URB1: variants seen among roughly 807,000 people sequenced by gnomAD.
The protein encoded by URB1 is nucleolar pre-ribosomal-associated protein 1.
URB1 carries 197 observed loss-of-function variants against 242.3 expected under a neutral mutation model. That is an observed-to-expected ratio of 0.81 (90% CI 0.72 to 0.91). The LOEUF (loss-of-function observed/expected upper bound fraction) is 0.91. URB1 is among the 40% of genes least tolerant of loss of function. The pLI, the probability that URB1 is intolerant of heterozygous loss-of-function variation, is 0.00. For synonymous variants in URB1, 1,153 were observed against 1,201.8 expected, an observed-to-expected ratio of 0.96 and a Z score of 0.84; for missense variants, 2,721 against 2,860.5, an observed-to-expected ratio of 0.95 and a Z score of 1.11.
At position 32,347,695 on chromosome 21, in the gene URB1, G is replaced by A. The variant is rs978553119; in HGVS notation, c.3129C>T (p.Leu1043=). 10 of 1,551,252 alleles carry A rather than the reference G, an allele frequency of 6.4e-6. No individual in the cohort carries two copies. The African/African-American group carries it at 1.1e-4, about 17-fold the overall frequency. ...PHTLSPVLVK[L]LATHFSAGVL... ...CCCCTGCACTAAAGTGGGTGGCCAG[G>A]AGCTTCACGAGGACAGGGCTGAGCG... Residue 1043 remains leucine (L), a synonymous_variant, in exon 22 of 39, where the codon CTC becomes CTT. Coordinates refer to ENST00000382751, the MANE Select transcript of URB1 (RefSeq NM_014825.3).
rs2032734513 is a variant in URB1 at position 32,319,279 on chromosome 21, C to A, written c.5730G>T (p.Arg1910=). ...ACTCATTGACCAGGTGCAGGGCAAG[C>A]CGCTTGGCAGGCTCCTGGGAGCTAG... is the stretch of plus-strand genomic sequence containing the variant. The part of the protein sequence containing the change: ...CQPSSQEPAK[R]LALHLVNEFL... Residue 1910 remains arginine, a synonymous_variant, in exon 36 of 39, where the codon CGG becomes CGT. Transcript: ENST00000382751. 4 of 1,551,160 alleles carry A rather than the reference C, an allele frequency of 2.6e-6. No individual in the cohort carries two copies. Among genetic ancestry groups the A allele is most frequent in the Non-Finnish European group, 3.5e-6 (4 of 1,146,732 alleles).
chr21:32,353,441 T>C (rs17401876), intron 18 of URB1, among the ~76,000 whole-genome samples: 24,482 of 152,160 alleles, frequency 0.16, 2,502 homozygotes, highest in African/African-American at 0.29. Flanking sequence ...CTGGCCTGTA[T>C]TGGACCACAG....
intron 30 of URB1, among the ~76,000 whole-genome samples, chr21:32,327,996 G>C (rs909832961): frequency 6.6e-6 from 1 of 152,198 alleles, no homozygotes; most frequent in East Asian, 1.9e-4. Context: ...GGTCAGATTA[G>C]ATAAAAAGCA....
Position 32,352,794 on chromosome 21 carries a change from T to TGGA in URB1, c.2526_2528dup (p.Pro843dup), listed in dbSNP as rs2033172822. On this transcript the variant is annotated inframe_insertion, in exon 19 of 39. Coordinates refer to ENST00000382751, the MANE Select transcript of URB1 (RefSeq NM_014825.3). ...GCTGCTGGCAGCAAGGCACCAGGCA[T>TGGA]GGAGGCTCAAGCTTATCATATGCCT... The TGGA allele has an allele frequency of 1.9e-6, 3 of 1,551,586 alleles. No individual in the cohort carries two copies.
chr21:32,339,300 T>G (rs2033000717), intron 25 of URB1, among the ~76,000 whole-genome samples: 1 of 151,520 alleles, frequency 6.6e-6, no homozygotes, highest in African/African-American at 2.4e-5. Flanking sequence ...GGCCATTTTC[T>G]CAGTATTTTA....
chr21:32,312,448 G>A lies in URB1; in HGVS notation c.*2470C>T. The A allele has an allele frequency of 7.7e-6, 4 of 518,366 alleles. No individual in the cohort carries two copies. The highest frequency in any genetic ancestry group is 1.1e-5 in the Non-Finnish European group (4 of 362,264). 32.1% of individuals were successfully genotyped at this position (518,366 alleles called of 1,614,324 possible). ...CCCGCCGGCTCCCCCAGATGTGATG[G>A]CATCTGCCCTGCCAGGTCAGCTCAC... On this transcript the variant is annotated 3_prime_UTR_variant, in exon 39 of 39. Coordinates refer to ENST00000382751, the MANE Select transcript of URB1 (RefSeq NM_014825.3).
At chr21:32,363,066 C>A (rs2033306880) in intron 11 of URB1, 90 bp downstream of exon 11, 3 of 1,455,892 alleles carry the variant, frequency 2.1e-6, no homozygotes, top group Non-Finnish European at 2.7e-6. Flanking sequence ...TCCAAGGACA[C>A]ATCACTTGGC....
rs183045720 is a variant in URB1 at position 32,319,217 on chromosome 21, C to T, written c.5792G>A (p.Arg1931Lys). ...CCCCCCTGGCGGGGGCAGGACTCAC[C>T]TCAGGTGCTTCATGAGCACGATGAG... ...YVLIVLMKHL[R>K]PTLAPVQLTN... Residue 1931 changes from arginine to lysine, a missense_variant and splice_region_variant, in exon 36 of 39, where the codon AGG becomes AAG. By Grantham distance (26) the Arg-to-Lys change is conservative. Transcript: ENST00000382751. 0.017 allele frequency: 25,846 copies of T among 1,549,050 alleles called. 258 individuals carry two copies. Among genetic ancestry groups the T allele is most frequent in the Non-Finnish European group, 0.02 (22,638 of 1,146,052 alleles).
chr21:32,358,669 T>G (rs1483144150), intron 14 of URB1, among the ~76,000 whole-genome samples: 4 of 152,188 alleles, frequency 2.6e-5, no homozygotes, highest in Non-Finnish European at 5.9e-5. Context: ...TTTCAAATTA[T>G]GAGGCCTCTG....
At chr21:32,322,066 T>G (rs1303985241) in intron 33 of URB1, 122 bp from the exon 34 acceptor site, 1 of 1,114,894 alleles carries the variant, frequency 9.0e-7, no homozygotes, top group Admixed American at 2.5e-5. Context: ...CTGACCTCCA[T>G]GTCTGATTAT....
In URB1 at chr21:32,316,883, G is replaced by A; in HGVS notation, c.6217C>T (p.Pro2073Ser). The A allele has an allele frequency of 1.3e-6, 2 of 1,551,630 alleles. No homozygotes were observed. Among genetic ancestry groups the A allele is most frequent in the Admixed American group, 2.0e-5 (1 of 51,004 alleles). The part of the protein sequence containing the change: ...LTYWRPVIPG[P>S]DPTQEPVDSA... ...TCCACAGGCTCCTGAGTGGGGTCAG[G>A]ACCAGGGATCACTGGTCTCCAGTAA... Residue 2073 changes from proline to serine, a missense_variant, in exon 38 of 39, where the codon CCT (proline) becomes TCT (serine). Pro to Ser is a moderately conservative substitution (Grantham distance 74). Coordinates refer to ENST00000382751, the MANE Select transcript of URB1 (RefSeq NM_014825.3).
intron 8 of URB1, among the ~76,000 whole-genome samples, chr21:32,371,988 G>A (rs1007709828): frequency 2.0e-5 from 3 of 152,000 alleles, no homozygotes; most frequent in Non-Finnish European, 2.9e-5. Context: ...TTTTGAAACC[G>A]TGACTCATGG....
At chr21:32,380,757 G>A (rs1412965470) in intron 4 of URB1, among the ~76,000 whole-genome samples, 1 of 152,176 alleles carries the variant, frequency 6.6e-6, no homozygotes, top group East Asian at 1.9e-4. Flanking sequence ...AACTTGCCTG[G>A]CAAAATTAAA....
Position 32,359,900 on chromosome 21 carries a change from A to G in URB1, c.1765T>C (p.Ser589Pro). 2 of 1,549,462 alleles carry G rather than the reference A, an allele frequency of 1.3e-6. No individual in the cohort carries two copies. The highest frequency in any genetic ancestry group is 2.4e-5 in the South Asian group (2 of 83,662). Reference sequence around the variant, plus strand: ...ACCTCCTCTCGAAGGCCCTGCTCAGAGATGACACCTATGGGTGAAAAAGAG... The same window carrying G: ...ACCTCCTCTCGAAGGCCCTGCTCAGGGATGACACCTATGGGTGAAAAAGAG... ...DFSKLLKGVI[S>P]EQGLREEVPP... The change falls in exon 14 of 39, where the codon TCT becomes CCT. Residue 589 changes from serine (S) to proline (P), a missense_variant. Transcript: ENST00000382751.
At position 32,378,514 on chromosome 21, in the gene URB1, C is replaced by A. The variant is rs529540678; in HGVS notation, c.595G>T (p.Val199Phe). The A allele has an allele frequency of 2.9e-5, 45 of 1,551,680 alleles. No individual in the cohort carries two copies. The African/African-American group carries it at 5.6e-4, about 19-fold the overall frequency. The change falls in exon 5 of 39, where the codon GTT becomes TTT. Residue 199 changes from valine to phenylalanine, a missense_variant. Physicochemically the swap from Val to Phe is conservative, Grantham distance 50. Coordinates refer to ENST00000382751, the MANE Select transcript of URB1 (RefSeq NM_014825.3). The part of the protein sequence containing the change: ...KGVYDVRQAY[V>F]QFALSFLIAG... The stretch of plus-strand genomic sequence containing the variant: ...ATTAAAAAGGAGAGAGCAAACTGAA[C>A]GTAGGCCTGCCGAACGTCGTACACT...
At position 32,360,991 on chromosome 21, in the gene URB1, A is replaced by G; in HGVS notation, c.1756+16T>C. On this transcript the variant is annotated intron_variant, in intron 13 of 38. Transcript: ENST00000382751. ...CAGCAACAGTGGCGGCTTGTCTGCA[A>G]GACCTTGAAACCCACCTTTCAGGAG... is the stretch of plus-strand genomic sequence containing the variant. 6.5e-7 allele frequency: 1 copy of G among 1,527,748 alleles called. No individual in the cohort carries two copies. Among genetic ancestry groups the G allele is most frequent in the Non-Finnish European group, 8.8e-7 (1 of 1,133,224 alleles). The allele number at this position is 1,527,748 out of a possible 1,614,324, so 94.6% of individuals were successfully genotyped here.
chr21:32,347,421 G>A lies in URB1; in HGVS notation c.3403C>T (p.Leu1135=). The change falls in exon 22 of 39, where the codon CTG becomes TTG. Residue 1135 remains leucine (L), a synonymous_variant. Transcript: ENST00000382751. ...GATTTCGTGGGTTGCTGGGTCACCA[G>A]GTGTGTCTCAGGCAGGCTCAGCAAG... ...LALLSLPETH[L]VTQQPTKSPG... The A allele has an allele frequency of 5.2e-6, 8 of 1,551,566 alleles. No homozygotes were observed. In the East Asian group the frequency reaches 1.5e-4, roughly 28 times the overall value.
intron 25 of URB1, among the ~76,000 whole-genome samples, chr21:32,339,803 TTTC>T (rs2033007991): frequency 6.6e-6 from 1 of 151,724 alleles, no homozygotes; most frequent in African/African-American, 2.4e-5. Flanking sequence ...GTGCATTTGT[TTTC>T]TTTATGACTC....
At chr21:32,389,621 T>C (rs1163745261) in intron 1 of URB1, among the ~76,000 whole-genome samples, 1 of 152,206 alleles carries the variant, frequency 6.6e-6, no homozygotes, top group African/African-American at 2.4e-5. Context: ...GACAGACTGA[T>C]GCAGACGGAG....
Sources: gnomAD v4.1 joint callset for allele counts (sites outside exome capture counted in the v4.1 genomes callset) on GRCh38, gnomAD v4.1.1 for gene constraint, MANE v1.5 for transcripts, NCBI Gene and HGNC (gene_info 2026-07-23, HGNC 2026-07-21) for gene names.